The following GIT2 variants were observed in gnomAD, a reference collection of about 807,000 sequenced individuals.
The protein encoded by GIT2 is ARF GTPase-activating protein GIT2.
In GIT2, 32 loss-of-function variants were observed where a neutral mutation model predicts 100.3. The ratio of observed to expected loss-of-function variants is 0.32; its 90% confidence interval spans 0.24 to 0.43. GIT2 has a LOEUF of 0.43. GIT2 is among the 20% of genes least tolerant of loss of function. The probability of loss-of-function intolerance (pLI) is 1.00; values close to 1 mark genes in which losing one functional copy is unlikely to be tolerated. For missense variants in GIT2, 737 were observed against 975.1 expected (o/e 0.76, Z 3.25); for synonymous variants, 353 against 364.1 (o/e 0.97, Z 0.35).
At chr12:109,992,266 C>A (rs1167715754) in intron 1 of GIT2, among the ~76,000 whole-genome samples, 1 of 150,484 alleles carries the variant, frequency 6.6e-6, no homozygotes, top group Non-Finnish European at 1.5e-5. Flanking sequence ...CCTGCTTCAG[C>A]CTCCCGAGTA....
At chr12:109,973,627 C>T (rs1019883179) in intron 7 of GIT2, among the ~76,000 whole-genome samples, 15 of 151,894 alleles carry the variant, frequency 9.9e-5, no homozygotes, top group African/African-American at 3.6e-4. Context: ...ATTGATTTTT[C>T]GCTACTGTTT....
At chr12:109,974,630 C>CT (rs2076840674) in intron 7 of GIT2, among the ~76,000 whole-genome samples, 2 of 152,152 alleles carry the variant, frequency 1.3e-5, no homozygotes, top group Non-Finnish European at 2.9e-5. Flanking sequence ...TGAAAATATA[C>CT]TTTATAGAAT....
chr12:109,947,155 T>C lies in GIT2; in HGVS notation c.1641+101A>G. ...CACAATGGTAACTCTCTTAGTCCAA[T>C]TTGGCAAAGCAGAGCTGTGGGGACC... is the stretch of plus-strand genomic sequence containing the variant. On this transcript the variant is annotated intron_variant, in intron 15 of 19. Transcript: ENST00000355312. The surrounding 1 kb of genome is among the most constrained non-coding windows in gnomAD (Gnocchi z 4.3). 2 of 1,120,392 alleles carry C rather than the reference T, an allele frequency of 1.8e-6. 1 individual carries two copies. Among genetic ancestry groups the C allele is most frequent in the South Asian group, 3.0e-5 (2 of 67,100 alleles). The allele number at this position is 1,120,392 out of a possible 1,614,324, so 69.4% of individuals were successfully genotyped here.
intron 5 of GIT2, 45 bp downstream of exon 5, chr12:109,983,563 C>T: frequency 6.3e-7 from 1 of 1,592,834 alleles, no homozygotes. Context: ...TACATGAACA[C>T]AACTCACTTA....
rs747576720 is a variant in GIT2 at position 109,991,581 on chromosome 12, C to A, written c.186+46G>T. ...AATTTAAGTTATTAACATGATGAGC[C>A]CTAAAATGTAAATTACCAACTGTCA... On this transcript the variant is annotated intron_variant, in intron 2 of 19. Coordinates refer to ENST00000355312, the MANE Select transcript of GIT2 (RefSeq NM_057169.5). The A allele has an allele frequency of 3.3e-6, 5 of 1,505,620 alleles. No homozygotes were observed. In the African/African-American group the frequency reaches 4.1e-5, roughly 12 times the overall value. 93.3% of individuals were successfully genotyped at this position (1,505,620 alleles called of 1,614,324 possible). A position where few individuals can be genotyped will look rare whatever the true frequency, so the allele number is the denominator to read the frequency against.
intron 4 of GIT2, chr12:109,983,943 T>TA (rs1247062531): frequency 2.3e-6 from 1 of 440,862 alleles, no homozygotes. Flanking sequence ...ATGCATGACT[T>TA]ATCTAAGAAG....
chr12:109,972,249 G>A (rs1884068633), intron 7 of GIT2, among the ~76,000 whole-genome samples: 1 of 152,032 alleles, frequency 6.6e-6, no homozygotes, highest in Non-Finnish European at 1.5e-5. Context: ...TGGTAAGAGT[G>A]GACACCCTAG....
upstream of GIT2, chr12:109,999,319 G>A (rs1889808913): frequency 1.3e-5 from 2 of 154,392 alleles, no homozygotes; most frequent in South Asian, 4.1e-4. The surrounding 1 kb of genome is among the most constrained non-coding windows in gnomAD (Gnocchi z 4.3). Context: ...GTGAGCTGGA[G>A]GTGGGTGCAA....
intron 17 of GIT2, chr12:109,938,914 T>A (rs1873808866): frequency 2.0e-6 from 1 of 492,490 alleles, no homozygotes; most frequent in Non-Finnish European, 3.6e-6. Context: ...TGAAGTGGGG[T>A]AATGACTTTA....
At chr12:109,969,954 C>T (rs1238444230) in intron 7 of GIT2, among the ~76,000 whole-genome samples, 1 of 151,950 alleles carries the variant, frequency 6.6e-6, no homozygotes, top group East Asian at 2.0e-4. Context: ...CGGGGTTTCA[C>T]TATGTTGGCC....
intron 15 of GIT2, 35 bp from the exon 16 acceptor site, chr12:109,945,384 A>G: frequency 9.4e-7 from 1 of 1,068,646 alleles, no homozygotes; most frequent in East Asian, 2.4e-5. Context: ...TCGGGAAAAT[A>G]CAAAACAAAC....
At chr12:109,937,769 C>G (rs11068968) in intron 18 of GIT2, among the ~76,000 whole-genome samples, 10,728 of 152,234 alleles carry the variant, frequency 0.07, 630 homozygotes, top group African/African-American at 0.15. Flanking sequence ...GTGGCATGAT[C>G]TTGGCTCGCT....
Position 109,939,212 on chromosome 12 carries a change from C to A in GIT2, c.1767G>T (p.Glu589Asp). The A allele has an allele frequency of 6.2e-7, 1 of 1,610,934 alleles. No individual in the cohort carries two copies. The highest frequency in any genetic ancestry group is 8.5e-7 in the Non-Finnish European group (1 of 1,177,242). The change falls in exon 17 of 20, where the codon GAG becomes GAT. Residue 589 changes from glutamate (E) to aspartate (D), a missense_variant. This residue lies in a region of GIT2 where 451 missense variants were observed against 543.7 expected (regional missense o/e 0.83). Transcript: ENST00000355312. ...CGTTGGGAGTGTTGTCGTAGTCACT[C>A]TCAGGTGTGCTGTTCTGCTTCTCCA... ...SRLEKQNSTP[E>D]SDYDNTPNDM...
At chr12:109,978,925 T>C (rs1885697822) in intron 7 of GIT2, among the ~76,000 whole-genome samples, 1 of 152,220 alleles carries the variant, frequency 6.6e-6, no homozygotes, top group African/African-American at 2.4e-5. Context: ...TCCTAGACAC[T>C]GTGAATGTTT....
At chr12:109,996,831 T>A (rs1482754403), upstream of GIT2, among the ~76,000 whole-genome samples, 1 of 152,080 alleles carries the variant, frequency 6.6e-6, no homozygotes, top group Non-Finnish European at 1.5e-5. Flanking sequence ...TAATCTCAAC[T>A]CTTTGGAAGG....
upstream of GIT2, chr12:109,999,544 A>G (rs1889827611): frequency 2.3e-5 from 12 of 513,430 alleles, no homozygotes; most frequent in South Asian, 7.9e-4. The surrounding 1 kb of genome is among the most constrained non-coding windows in gnomAD (Gnocchi z 4.3). Flanking sequence ...CGCGCCCCGC[A>G]CCCGACCGGC....
intron 15 of GIT2, among the ~76,000 whole-genome samples, chr12:109,945,977 C>T (rs1220919283): frequency 6.6e-6 from 1 of 151,718 alleles, no homozygotes; most frequent in African/African-American, 2.4e-5. Flanking sequence ...TCTACTAAAA[C>T]AAAAAAATTA....
At chr12:109,969,841 C>T (rs559463519) in intron 7 of GIT2, among the ~76,000 whole-genome samples, 99 of 151,016 alleles carry the variant, frequency 6.6e-4, no homozygotes, top group African/African-American at 3.9e-4. Context: ...CTATAACCTC[C>T]GCTTCCTGGA....
rs1878432905 is a variant in GIT2, at chr12:109,953,248, C to A, written c.1100-14G>T. 1 of 1,612,144 alleles carries A rather than the reference C, an allele frequency of 6.2e-7. No individual in the cohort carries two copies. The highest frequency in any genetic ancestry group is 2.2e-5 in the East Asian group (1 of 44,876). ...GCTCCACATTGTCTATCAATAAAAG[C>A]AAACAACTTTACTTCAGGCTTAAAA... On this transcript the variant is annotated splice_polypyrimidine_tract_variant and intron_variant, in intron 12 of 19. Transcript: ENST00000355312.
Sources: allele counts gnomAD v4.1 joint callset (sites outside exome capture counted in the v4.1 genomes callset), GRCh38; gene constraint gnomAD v4.1.1; regional missense constraint gnomAD v4.1.1; non-coding constraint Gnocchi (gnomAD v3.1); transcripts MANE v1.5; gene names NCBI Gene and HGNC (gene_info 2026-07-23, HGNC 2026-07-21).